Variants in TBCD observed in about 807,000 individuals in gnomAD.
The protein encoded by TBCD is tubulin folding cofactor D, also known as tubulin-specific chaperone D.
A neutral mutation model predicts 169.3 loss-of-function variants in TBCD; 105 were observed. That is an observed-to-expected ratio of 0.62 (90% CI 0.53 to 0.73). TBCD has a LOEUF of 0.73. Ranked by LOEUF, TBCD falls within the 30% of genes least tolerant of loss-of-function variation. The probability of loss-of-function intolerance (pLI) is 0.00; values close to 1 mark genes in which losing one functional copy is unlikely to be tolerated. For synonymous variants in TBCD, 700 were observed against 643.9 expected, an observed-to-expected ratio of 1.09 and a Z score of -1.32; for missense variants, 1,444 against 1,600.1, an observed-to-expected ratio of 0.90 and a Z score of 1.66.
At chr17:82,759,417 G>A (rs116499374) in intron 2 of TBCD, among the ~76,000 whole-genome samples, 2,723 of 152,234 alleles carry the variant, frequency 0.018, 57 homozygotes, top group African/African-American at 0.054. Context: ...GACCCAGGAC[G>A]CGGAGGTAGC....
intron 7 of TBCD, 129 bp downstream of exon 7, chr17:82,781,850 C>T: frequency 7.0e-7 from 1 of 1,431,610 alleles, no homozygotes; most frequent in East Asian, 2.3e-5. Flanking sequence ...TTAACCGGGC[C>T]AGGGTCTTGG....
chr17:82,790,124 G>T (rs1292419504), intron 7 of TBCD, among the ~76,000 whole-genome samples: 3 of 152,078 alleles, frequency 2.0e-5, no homozygotes, highest in Non-Finnish European at 4.4e-5. Flanking sequence ...TCCTGAGTCT[G>T]TCCCGCTCTG....
chr17:82,801,959 C>T lies in TBCD; in HGVS notation c.950+963C>T, dbSNP rs557861894. Among the ~76,000 whole-genome samples the T allele has an allele frequency of 2.1e-4, 31 of 149,418 alleles. 1 individual carries two copies. The highest frequency in any genetic ancestry group is 6.2e-4 in the African/African-American group (25 of 40,506). ...CGGAGTCAGCGTGGCAGCAGGGTGG[C>T]ATGTGTGTCGTGTGGCTCGGGGTCA... On this transcript the variant is annotated intron_variant, in intron 9 of 38. Coordinates refer to ENST00000355528, the MANE Select transcript of TBCD (RefSeq NM_005993.5).
chr17:82,832,808 T>G lies in TBCD; in HGVS notation c.1318+17874T>G, dbSNP rs995301380. On this transcript the variant is annotated intron_variant, in intron 13 of 38. Transcript: ENST00000355528. The surrounding 1 kb of genome is among the most constrained non-coding windows in gnomAD (Gnocchi z 4.9). ...TCACAGAAGCAGCCCTGCCCTACCC[T>G]TGGTAACCTGGCTGCTGACTCCCCA... Among the ~76,000 whole-genome samples the G allele has an allele frequency of 1.3e-5, 2 of 152,184 alleles. No individual in the cohort carries two copies. The highest frequency in any genetic ancestry group is 2.4e-5 in the African/African-American group (1 of 41,440).
intron 12 of TBCD, among the ~76,000 whole-genome samples, chr17:82,811,239 G>T (rs551421306): frequency 6.6e-6 from 1 of 152,222 alleles, no homozygotes; most frequent in Non-Finnish European, 1.5e-5. Context: ...GGGCCTGCCT[G>T]TGCCTGTCTG....
intron 13 of TBCD, among the ~76,000 whole-genome samples, chr17:82,852,741 A>G (rs1423808906): frequency 1.3e-5 from 2 of 152,310 alleles, no homozygotes; most frequent in African/African-American, 4.8e-5. Context: ...CACGACGTAC[A>G]TGGAGGCCGC....
intron 12 of TBCD, among the ~76,000 whole-genome samples, chr17:82,812,281 G>A (rs941894109): frequency 1.3e-5 from 2 of 152,190 alleles, no homozygotes; most frequent in African/African-American, 4.8e-5. Context: ...ACTCGGTGTG[G>A]AGCGTCTGGA....
intron 2 of TBCD, 119 bp from the exon 3 acceptor site, chr17:82,763,846 C>T (rs2047895073): frequency 2.6e-6 from 2 of 768,406 alleles, no homozygotes; most frequent in African/African-American, 3.5e-5. Context: ...TTCAAATGAT[C>T]CTCCCACCTT....
At chr17:82,775,356 G>A (rs1380381729) in intron 6 of TBCD, among the ~76,000 whole-genome samples, 1 of 152,134 alleles carries the variant, frequency 6.6e-6, no homozygotes, top group Non-Finnish European at 1.5e-5. Flanking sequence ...TCTTACAGGT[G>A]CTTGGCCGGT....
intron 13 of TBCD, among the ~76,000 whole-genome samples, chr17:82,841,501 G>T (rs986946758): frequency 4.7e-4 from 72 of 151,960 alleles, no homozygotes; most frequent in South Asian, 2.1e-3. Flanking sequence ...TAGAGACAGG[G>T]TTTTGCCATG....
At chr17:82,793,521 G>A (rs1277033745) in intron 7 of TBCD, among the ~76,000 whole-genome samples, 1 of 152,208 alleles carries the variant, frequency 6.6e-6, no homozygotes, top group African/African-American at 2.4e-5. Context: ...TTCCTGCCCT[G>A]CTGCTGAGGG....
chr17:82,858,285 A>G lies in TBCD; in HGVS notation c.1319-11939A>G, dbSNP rs532569799. Among the ~76,000 whole-genome samples the G allele has an allele frequency of 2.0e-5, 3 of 152,328 alleles. No individual in the cohort carries two copies. In the South Asian group the frequency reaches 6.2e-4, roughly 32 times the overall value. On this transcript the variant is annotated intron_variant, in intron 13 of 38. Transcript: ENST00000355528. ...GCTAAGCTGTGACATATAAACATGA[A>G]GTGATCTAGTTAGGTTTGGTTATAC...
rs2050952876 is a variant in TBCD at position 82,806,238 on chromosome 17, G to A, written c.1087+227G>A. Among the ~76,000 whole-genome samples the A allele has an allele frequency of 6.6e-6, 1 of 151,944 alleles. No individual in the cohort carries two copies. ...TGCCGTAGAAGCCCTTTTTCCCACC[G>A]CCTCGCCTCCTTCCTGACCTGGGCT... On this transcript the variant is annotated intron_variant, in intron 10 of 38. Transcript: ENST00000355528. This position sits in a 1 kb window ranked among gnomAD's most constrained non-coding sequence, Gnocchi z 5.1.
At chr17:82,921,450 A>C (rs1732806232) in intron 24 of TBCD, 51 bp from the exon 25 acceptor site, 1 of 1,476,258 alleles carries the variant, frequency 6.8e-7, no homozygotes, top group African/African-American at 1.4e-5. Context: ...GTTGTTTTTG[A>C]TTTCATGGTG....
rs1264914202 is a variant in TBCD at position 82,885,969 on chromosome 17, G to A, written c.1533+1767G>A. Reference sequence around the variant, plus strand: ...TGCTGCTTTCAGATAACAATGTCTCGGTCTTTCTGGCTCAGCTTGGCTTCC... The same window carrying A: ...TGCTGCTTTCAGATAACAATGTCTCAGTCTTTCTGGCTCAGCTTGGCTTCC... On this transcript the variant is annotated intron_variant, in intron 15 of 38. Transcript: ENST00000355528. The A allele has an allele frequency of 3.3e-5, 5 of 152,182 alleles. No homozygotes were observed. In the East Asian group the frequency reaches 5.8e-4, roughly 18 times the overall value. 9.4% of individuals were successfully genotyped at this position (152,182 alleles called of 1,614,324 possible).
chr17:82,782,770 C>T lies in TBCD; in HGVS notation c.771+1049C>T, dbSNP rs1278087650. Among the ~76,000 whole-genome samples the T allele has an allele frequency of 6.8e-6, 1 of 147,974 alleles. No homozygotes were observed. Among genetic ancestry groups the T allele is most frequent in the African/African-American group, 2.6e-5 (1 of 38,290 alleles). ...CTATCCGCGGCATTGTCTTCCTATCCGCGGCGTTGTCTTCCTGTCTGTGGC... is the reference window on the plus strand; with the variant it reads ...CTATCCGCGGCATTGTCTTCCTATCTGCGGCGTTGTCTTCCTGTCTGTGGC... On this transcript the variant is annotated intron_variant, in intron 7 of 38. Coordinates refer to ENST00000355528, the MANE Select transcript of TBCD (RefSeq NM_005993.5). This position sits in a 1 kb window ranked among gnomAD's most constrained non-coding sequence, Gnocchi z 5.1.
chr17:82,925,007 T>C lies in TBCD; in HGVS notation c.2329T>C (p.Leu777=), dbSNP rs1342317999. ...GGAGATGACTCGCTGTGGCTTCTCGTTGGCCTTGGGCGCCCTTCCAGGCTT... is the reference window on the plus strand; with the variant it reads ...GGAGATGACTCGCTGTGGCTTCTCGCTGGCCTTGGGCGCCCTTCCAGGCTT... The part of the protein sequence containing the change: ...PEEMTRCGFS[L]ALGALPGFLL... The change falls in exon 27 of 39, where the codon TTG becomes CTG. Residue 777 remains leucine (L), a synonymous_variant. Transcript: ENST00000355528. 1.3e-6 allele frequency: 2 copies of C among 1,573,436 alleles called. No homozygotes were observed. Among genetic ancestry groups the C allele is most frequent in the South Asian group, 1.2e-5 (1 of 85,694 alleles).
intron 7 of TBCD, among the ~76,000 whole-genome samples, chr17:82,797,237 T>G (rs1163571957): frequency 6.6e-6 from 1 of 152,146 alleles, no homozygotes; most frequent in Non-Finnish European, 1.5e-5. Flanking sequence ...ATGACGTCCG[T>G]GTGTGCGCAT....
chr17:82,893,394 C>A (rs1273340515), intron 16 of TBCD, among the ~76,000 whole-genome samples, 153 bp from the exon 17 acceptor site: 1 of 152,164 alleles, frequency 6.6e-6, no homozygotes, highest in African/African-American at 2.4e-5. Flanking sequence ...AAGTCCTCGG[C>A]GAGCCATGTC....
Sources: allele counts gnomAD v4.1 joint callset (sites outside exome capture counted in the v4.1 genomes callset), GRCh38; gene constraint gnomAD v4.1.1; non-coding constraint Gnocchi (gnomAD v3.1); transcripts MANE v1.5; gene names NCBI Gene and HGNC (gene_info 2026-07-23, HGNC 2026-07-21).